The following NEK5 variants were observed in gnomAD, a reference collection of about 807,000 sequenced individuals.
NEK5 encodes the protein serine/threonine-protein kinase Nek5.
In NEK5, 88 loss-of-function variants were observed where a neutral mutation model predicts 109.2. That is an observed-to-expected ratio of 0.81 (90% CI 0.68 to 0.96). The LOEUF is 0.96. NEK5 is among the 40% of genes least tolerant of loss of function. The probability of loss-of-function intolerance (pLI) is 0.00; values close to 1 mark genes in which losing one functional copy is unlikely to be tolerated. For synonymous variants in NEK5, 283 were observed against 299.9 expected (o/e 0.94, Z 0.58); for missense variants, 834 against 920.7 (o/e 0.91, Z 1.22).
chr13:52,052,769 T>G (rs1360336224), intron 22 of NEK5, among the ~76,000 whole-genome samples: 1 of 152,220 alleles, frequency 6.6e-6, no homozygotes, highest in Non-Finnish European at 1.5e-5. Context: ...GGGAAAGGCA[T>G]TGGTTTAAAG....
At position 52,128,189 on chromosome 13, in the gene NEK5, A is replaced by G. The variant is rs552261311; in HGVS notation, c.-90-527T>C. Reference sequence around the variant, plus strand: ...CTAAGTATTTTTGCAGTTTTAATGAACACTTCTTTTTTTTTTCGAGGAATG... The same window carrying G: ...CTAAGTATTTTTGCAGTTTTAATGAGCACTTCTTTTTTTTTTCGAGGAATG... On this transcript the variant is annotated intron_variant, in intron 1 of 23. Coordinates refer to ENST00000684899, the MANE Select transcript of NEK5 (RefSeq NM_001365552.1). 4.6e-5 allele frequency among the ~76,000 whole-genome samples: 7 copies of G among 151,998 alleles called. No homozygotes were observed. The East Asian group carries it at 1.4e-3, about 29-fold the overall frequency.
intron 21 of NEK5, among the ~76,000 whole-genome samples, chr13:52,062,664 C>T (rs1306644342): frequency 1.3e-5 from 2 of 151,984 alleles, no homozygotes; most frequent in African/African-American, 4.8e-5. Context: ...CATGATCTGC[C>T]CACCTCAGCC....
intron 22 of NEK5, among the ~76,000 whole-genome samples, chr13:52,060,511 T>C (rs1465873520): frequency 6.6e-6 from 1 of 152,050 alleles, no homozygotes; most frequent in African/African-American, 2.4e-5. Flanking sequence ...CCTGCCACCA[T>C]GCCCACCTAA....
intron 18 of NEK5, 41 bp downstream of exon 18, chr13:52,076,022 A>G (rs1954862785): frequency 1.6e-6 from 2 of 1,272,490 alleles, no homozygotes; most frequent in Middle Eastern, 1.9e-4. Context: ...CTCCCCAGCC[A>G]GCTATTTAAT....
At position 52,083,319 on chromosome 13, in the gene NEK5, C is replaced by T. The variant is rs776827365; in HGVS notation, c.1513G>A (p.Val505Met). 5.0e-6 allele frequency: 8 copies of T among 1,612,826 alleles called. No homozygotes were observed. Among genetic ancestry groups the T allele is most frequent in the East Asian group, 2.2e-5 (1 of 44,878 alleles). ...TGGACAGGCAGGTTACTCTTCTTCA[C>T]CAAATAGGTTTTATGACTTATTTTT... ...NSKISHKTYLVKKSNLPVHQD... is the reference protein window; with the variant it reads ...NSKISHKTYLMKKSNLPVHQD... The change falls in exon 17 of 24, where the codon GTG becomes ATG. Residue 505 changes from valine to methionine, a missense_variant. Physicochemically the swap from Val to Met is conservative, Grantham distance 21. This residue lies in a region of NEK5 where 777 missense variants were observed against 824.7 expected (regional missense o/e 0.94). Coordinates refer to ENST00000684899, the MANE Select transcript of NEK5 (RefSeq NM_001365552.1).
At chr13:52,098,324 G>A (rs146867948) in intron 12 of NEK5, among the ~76,000 whole-genome samples, 177 of 151,184 alleles carry the variant, frequency 1.2e-3, no homozygotes, top group Non-Finnish European at 2.2e-3. Flanking sequence ...CAAATGAAGG[G>A]CAATAACTTA....
intron 18 of NEK5, 49 bp downstream of exon 18, chr13:52,076,014 C>A: frequency 8.3e-7 from 1 of 1,203,746 alleles, no homozygotes; most frequent in Admixed American, 2.0e-5. Context: ...CAAGGTGGCT[C>A]CCCAGCCAGC....
intron 19 of NEK5, among the ~76,000 whole-genome samples, chr13:52,073,941 C>A (rs1393891677): frequency 6.6e-6 from 1 of 151,956 alleles, no homozygotes; most frequent in Non-Finnish European, 1.5e-5. Context: ...AAGATCTCTA[C>A]AAGAAGAGCT....
At position 52,102,068 on chromosome 13, in the gene NEK5, CCAAA is replaced by C. The variant is rs772094227; in HGVS notation, c.810+20_810+23del. ...TGCAACCCAAAATCTCTGCCAAAAT[CCAAA>C]CAGTCACCTCAAAACTTACCTCAGG... On this transcript the variant is annotated intron_variant, in intron 10 of 23. Transcript: ENST00000684899. 1.3e-4 allele frequency: 211 copies of C among 1,612,542 alleles called. No homozygotes were observed. The highest frequency in any genetic ancestry group is 1.0e-4 in the Admixed American group (6 of 59,988).
Position 52,127,366 on chromosome 13 carries a change from C to T in NEK5, c.117G>A (p.Lys39=). The T allele has an allele frequency of 6.6e-7, 1 of 1,515,804 alleles. No individual in the cohort carries two copies. The highest frequency in any genetic ancestry group is 9.2e-7 in the Non-Finnish European group (1 of 1,091,762). The allele number at this position is 1,515,804 out of a possible 1,614,324, so 93.9% of individuals were successfully genotyped here. The change falls in exon 3 of 24, where the codon AAG becomes AAA. Residue 39 remains lysine (K), a splice_region_variant and synonymous_variant. Coordinates refer to ENST00000684899, the MANE Select transcript of NEK5 (RefSeq NM_001365552.1). ...AACAGAAATTTGAACTTAACTTTAC[C>T]TTTTCAAAATTGATCTCTTTTATGA... is the stretch of plus-strand genomic sequence containing the variant. The part of the protein sequence containing the change: ...HCVIKEINFE[K]MPIQEKEASK...
intron 1 of NEK5, 80 bp downstream of exon 1, chr13:52,128,949 C>G (rs1426094987): frequency 1.3e-5 from 2 of 152,558 alleles, no homozygotes; most frequent in African/African-American, 4.8e-5. Flanking sequence ...GAAACTCCAT[C>G]CCTTTCCCCC....
intron 17 of NEK5, among the ~76,000 whole-genome samples, chr13:52,077,408 G>C (rs768116382): frequency 6.6e-6 from 1 of 152,174 alleles, no homozygotes; most frequent in Non-Finnish European, 1.5e-5. Context: ...AAACCAATGA[G>C]ACAAGCCCTG....
intron 21 of NEK5, among the ~76,000 whole-genome samples, chr13:52,063,266 G>A (rs1337452347): frequency 6.6e-6 from 1 of 152,220 alleles, no homozygotes; most frequent in Non-Finnish European, 1.5e-5. Context: ...GTGGAGACGG[G>A]GTTTCGCTGT....
chr13:52,078,520 C>A (rs7991132), intron 17 of NEK5, among the ~76,000 whole-genome samples: 94,527 of 151,852 alleles, frequency 0.62, 30,467 homozygotes, highest in Non-Finnish European at 0.71. Context: ...ATGGGTGTGC[C>A]TGCCAAATTT....
At chr13:52,117,051 T>G (rs1955873700) in intron 4 of NEK5, among the ~76,000 whole-genome samples, 1 of 152,100 alleles carries the variant, frequency 6.6e-6, no homozygotes, top group African/African-American at 2.4e-5. Context: ...CCCAAGTAGC[T>G]GGGATTACAG....
chr13:52,094,857 A>T (rs1342190801), intron 12 of NEK5, among the ~76,000 whole-genome samples: 1 of 152,244 alleles, frequency 6.6e-6, no homozygotes, highest in African/African-American at 2.4e-5. Flanking sequence ...ATTTAAGTAA[A>T]TGTATAAAAT....
rs1954793964 is a variant in NEK5 at position 52,072,070 on chromosome 13, C to T, written c.1723G>A (p.Ala575Thr). 6.2e-7 allele frequency: 1 copy of T among 1,608,254 alleles called. No individual in the cohort carries two copies. The highest frequency in any genetic ancestry group is 8.5e-7 in the Non-Finnish European group (1 of 1,176,714). Residue 575 changes from alanine to threonine, a missense_variant and splice_region_variant, in exon 20 of 24, where the codon GCA becomes ACA. Coordinates refer to ENST00000684899, the MANE Select transcript of NEK5 (RefSeq NM_001365552.1). Reference protein sequence around the residue: ...SDENILQEEEAMDIPNETLTF... With the variant: ...SDENILQEEETMDIPNETLTF... ...AAAGTTTCATTTGGTATATCCATTG[C>T]CTAAATCAATTCCACAGTGTTTCAT...
intron 13 of NEK5, among the ~76,000 whole-genome samples, chr13:52,090,476 A>T (rs566839442): frequency 2.0e-5 from 3 of 152,344 alleles, no homozygotes; most frequent in African/African-American, 7.2e-5. Flanking sequence ...CCTCAGCTGT[A>T]AAGTGGGCAT....
At chr13:52,079,413 C>A in intron 17 of NEK5, among the ~76,000 whole-genome samples, 1 of 152,230 alleles carries the variant, frequency 6.6e-6, no homozygotes, top group Non-Finnish European at 1.5e-5. Context: ...GATTCTCCTG[C>A]CTCAGCCTGC....
Sources: allele counts gnomAD v4.1 joint callset (sites outside exome capture counted in the v4.1 genomes callset), GRCh38; gene constraint gnomAD v4.1.1; regional missense constraint gnomAD v4.1.1; transcripts MANE v1.5; gene names NCBI Gene and HGNC (gene_info 2026-07-23, HGNC 2026-07-21).